The following PHF8 variants were observed in gnomAD, a reference collection of about 807,000 sequenced individuals.
The protein encoded by PHF8 is PHD finger protein 8.
In PHF8, 9 loss-of-function variants were observed where a neutral mutation model predicts 74.4. The ratio of observed to expected loss-of-function variants is 0.12; its 90% confidence interval spans 0.07 to 0.21. The LOEUF (loss-of-function observed/expected upper bound fraction) is 0.21. PHF8 is among the 10% of genes least tolerant of loss of function. The pLI is 1.00. For synonymous variants in PHF8, 311 were observed against 316.6 expected, an observed-to-expected ratio of 0.98 and a Z score of 0.19; for missense variants, 478 against 816.6, an observed-to-expected ratio of 0.59 and a Z score of 5.05.
chrX:54,011,877 AAAAAG>A (rs1390942517), intron 7 of PHF8, among the ~76,000 whole-genome samples: 13 of 109,932 alleles, frequency 1.2e-4, no homozygotes, highest in African/African-American at 4.3e-4. Flanking sequence ...AAAAAAAAAA[AAAAAG>A]AAAGAAACAA....
chrX:54,002,608 C>T lies in PHF8; in HGVS notation c.1021G>A (p.Glu341Lys). The change falls in exon 9 of 22, where the codon GAG becomes AAG. Residue 341 changes from glutamate (E) to lysine (K), a missense_variant. This residue lies in a region of PHF8 where 70 missense variants were observed against 234.1 expected (regional missense o/e 0.30). Transcript: ENST00000338154. The stretch of plus-strand genomic sequence containing the variant: ...TTCAGTACTCACTTGAGCTGCATCT[C>T]GATGTTAAGGCTGTGTAAGAAGTTC... ...GGNFLHSLNI[E>K]MQLKAYEIEK... is the part of the protein sequence containing the mutation. 8.4e-7 allele frequency: 1 copy of T among 1,186,985 alleles called. No individual in the cohort carries two copies. Among genetic ancestry groups the T allele is most frequent in the African/African-American group, 1.7e-5 (1 of 57,304 alleles).
chrX:54,043,767 T>TCTTAACGCTTCCCCAACTGACAGGAAC lies in PHF8; in HGVS notation c.-125_-99dup. On this transcript the variant is annotated 5_prime_UTR_variant, in exon 1 of 22. Coordinates refer to ENST00000338154, the MANE Select transcript of PHF8 (RefSeq NM_015107.3). ...TCGCAGCCCCCAAAACTTACAGGAA[T>TCTTAACGCTTCCCCAACTGACAGGAAC]CTTAACGCTTCCCCAACTGACAGGA... is the stretch of plus-strand genomic sequence containing the variant. 1.4e-6 allele frequency: 1 copy of TCTTAACGCTTCCCCAACTGACAGGAAC among 730,875 alleles called. No individual in the cohort carries two copies. The highest frequency in any genetic ancestry group is 1.6e-6 in the Non-Finnish European group (1 of 618,146). 60.2% of individuals were successfully genotyped at this position (730,875 alleles called of 1,213,427 possible). A position where few individuals can be genotyped will look rare whatever the true frequency, so the allele number is the denominator to read the frequency against.
chrX:53,959,689 C>A (rs1199686906), intron 19 of PHF8, among the ~76,000 whole-genome samples: 2 of 107,974 alleles, frequency 1.9e-5, no homozygotes, highest in Non-Finnish European at 3.8e-5. Context: ...TGGCAAAACC[C>A]CATCTCTACT....
At chrX:53,947,542 T>C (rs1569524043) in intron 19 of PHF8, among the ~76,000 whole-genome samples, 1 of 112,399 alleles carries the variant, frequency 8.9e-6, no homozygotes, top group Non-Finnish European at 1.9e-5. Flanking sequence ...TTTTCAGTCA[T>C]GGATACTTGG....
intron 14 of PHF8, among the ~76,000 whole-genome samples, chrX:53,990,378 T>C (rs1237870403): frequency 9.0e-6 from 1 of 110,966 alleles, no homozygotes; most frequent in Non-Finnish European, 1.9e-5. Context: ...CTGGGTTCAC[T>C]TAACAGCTTC....
chrX:53,953,643 CA>C (rs1208325871), intron 19 of PHF8, among the ~76,000 whole-genome samples: 1,735 of 39,274 alleles, frequency 0.044, 15 homozygotes, highest in Admixed American at 0.064. Flanking sequence ...CACTCTGTCT[CA>C]AAAAAAAAAA....
At chrX:53,939,798 C>T (rs1459601234) in intron 21 of PHF8, among the ~76,000 whole-genome samples, 3 of 110,842 alleles carry the variant, frequency 2.7e-5, no homozygotes, top group Non-Finnish European at 5.7e-5. Flanking sequence ...CTCTGTCTCC[C>T]CACATTAAAT....
Position 53,971,458 on chromosome X carries a change from A to C in PHF8, c.2444-8519T>G, listed in dbSNP as rs781812095. 2.8e-3 allele frequency among the ~76,000 whole-genome samples: 308 copies of C among 111,761 alleles called. 1 individual carries two copies. The highest frequency in any genetic ancestry group is 4.6e-3 in the Middle Eastern group (1 of 217). On this transcript the variant is annotated intron_variant, in intron 18 of 21. Coordinates refer to ENST00000338154, the MANE Select transcript of PHF8 (RefSeq NM_015107.3). ...ACAAATCCCAAAGCTAGCAGAAGAC[A>C]AGAAATAACCAAGATCAGAGCTGAA...
At position 53,952,607 on chromosome X, in the gene PHF8, G is replaced by C. The variant is rs1318463848; in HGVS notation, c.2540-8364C>G. On this transcript the variant is annotated intron_variant, in intron 19 of 21. Transcript: ENST00000338154. ...ACTGAAATTAAGTGATAATAGGCTG[G>C]GCGCGGTGGCTCACGCCTGTAATCC... Among the ~76,000 whole-genome samples the C allele has an allele frequency of 2.7e-5, 3 of 111,692 alleles. No homozygotes were observed. In the East Asian group the frequency reaches 8.4e-4, roughly 31 times the overall value.
In PHF8 at chrX:54,042,783, G is replaced by A. The variant is rs1557116318; in HGVS notation, c.-55C>T. On this transcript the variant is annotated 5_prime_UTR_variant, in exon 2 of 22. Transcript: ENST00000338154. The stretch of plus-strand genomic sequence containing the variant: ...CGGCCAGGTTCGTCGTGTCAAGAGG[G>A]GCGGGAGGCGGCAGCACGCGTCCTC... 2.5e-6 allele frequency: 3 copies of A among 1,180,469 alleles called. No individual in the cohort carries two copies. The highest frequency in any genetic ancestry group is 3.1e-5 in the East Asian group (1 of 32,517).
chrX:53,938,417 C>T lies in PHF8; in HGVS notation c.*741G>A. ...CTAAAACAAGTGGCCTCATGTGTAGCCAGCTAAAAGTAGCTTCCTCCAACA... is the reference window on the plus strand; with the variant it reads ...CTAAAACAAGTGGCCTCATGTGTAGTCAGCTAAAAGTAGCTTCCTCCAACA... On this transcript the variant is annotated 3_prime_UTR_variant, in exon 22 of 22. Coordinates refer to ENST00000338154, the MANE Select transcript of PHF8 (RefSeq NM_015107.3). 2.5e-6 allele frequency: 2 copies of T among 810,417 alleles called. No homozygotes were observed. Among genetic ancestry groups the T allele is most frequent in the Non-Finnish European group, 1.5e-6 (1 of 674,633 alleles). The allele number at this position is 810,417 out of a possible 1,213,427, so 66.8% of individuals were successfully genotyped here. A position where few individuals can be genotyped will look rare whatever the true frequency, so the allele number is the denominator to read the frequency against.
At chrX:54,034,891 G>A (rs1332667408) in intron 2 of PHF8, among the ~76,000 whole-genome samples, 9 of 107,160 alleles carry the variant, frequency 8.4e-5, no homozygotes, top group African/African-American at 1.7e-4. Flanking sequence ...CCCAGCTACT[G>A]GGGGGTGGGG....
chrX:54,018,448 CCTGT>C (rs1278776991), intron 4 of PHF8, among the ~76,000 whole-genome samples: 3 of 97,912 alleles, frequency 3.1e-5, no homozygotes, highest in African/African-American at 8.6e-5. Flanking sequence ...AGAGAGAGTC[CCTGT>C]CTTTTTTTTT....
chrX:53,994,003 G>C, intron 12 of PHF8, 100 bp from the exon 13 acceptor site: 2 of 614,926 alleles, frequency 3.3e-6, no homozygotes, highest in Non-Finnish European at 5.4e-6. Context: ...TACTGCCATG[G>C]AAGTGGCTTA....
At chrX:54,025,038 A>G (rs187639192) in intron 2 of PHF8, among the ~76,000 whole-genome samples, 8,385 of 108,810 alleles carry the variant, frequency 0.077, 376 homozygotes, top group Non-Finnish European at 0.12. Context: ...CACCACGCCC[A>G]GCTAATTTTT....
chrX:54,043,199 C>T, intron 1 of PHF8: 1 of 718,217 alleles, frequency 1.4e-6, no homozygotes, highest in Non-Finnish European at 1.7e-6. Flanking sequence ...TATTATGACG[C>T]AAACCACAGC....
At chrX:54,024,693 C>A (rs1275774917) in intron 2 of PHF8, among the ~76,000 whole-genome samples, 1 of 111,659 alleles carries the variant, frequency 9.0e-6, no homozygotes, top group Non-Finnish European at 1.9e-5. Context: ...CAGACTAATG[C>A]CGGTCTGTGA....
At chrX:53,985,995 G>C in intron 16 of PHF8, 46 bp from the exon 17 acceptor site, 1 of 1,163,590 alleles carries the variant, frequency 8.6e-7, no homozygotes, top group Non-Finnish European at 1.2e-6. Flanking sequence ...GGATTGGTCT[G>C]GTAAGGCCCC....
At position 53,945,556 on chromosome X, in the gene PHF8, T is replaced by G. The variant is rs1439686933; in HGVS notation, c.2540-1313A>C. Among the ~76,000 whole-genome samples, 6 of 110,345 alleles carry G rather than the reference T, an allele frequency of 5.4e-5. No individual in the cohort carries two copies. The South Asian group carries it at 2.3e-3, about 43-fold the overall frequency. On this transcript the variant is annotated intron_variant, in intron 19 of 21. Transcript: ENST00000338154. ...AATAATAATAAAAATAAAAAGTTAA[T>G]CTCCCTGAACTGGCATTTAAGTTTG...
Sources: allele counts gnomAD v4.1 joint callset (sites outside exome capture counted in the v4.1 genomes callset), GRCh38; gene constraint gnomAD v4.1.1; regional missense constraint gnomAD v4.1.1; transcripts MANE v1.5; gene names NCBI Gene and HGNC (gene_info 2026-07-23, HGNC 2026-07-21).